The following LINGO2 variants were observed in gnomAD, a reference collection of about 807,000 sequenced individuals.
LINGO2 encodes the protein leucine rich repeat and Ig domain containing 2.
LINGO2 carries 14 observed loss-of-function variants against 30.6 expected under a neutral mutation model. The observed-to-expected ratio is 0.46, with a 90% CI of 0.30 to 0.72. The LOEUF is 0.72. Among genes scored for constraint, LINGO2 ranks in the 30% least tolerant of loss-of-function variants. The pLI, the probability that LINGO2 is intolerant of heterozygous loss-of-function variation, is 0.07. For synonymous variants in LINGO2, 317 were observed against 288.5 expected (o/e 1.10, Z -1.00); for missense variants, 729 against 751.7 (o/e 0.97, Z 0.35).
At chr9:28,992,509 C>T in the LINGO2 span, among the ~76,000 whole-genome samples, 1 of 151,878 alleles carries the variant, frequency 6.6e-6, no homozygotes, top group Non-Finnish European at 1.5e-5. Flanking sequence ...CTGCACCAAG[C>T]AGACCTAATA....
the LINGO2 span, among the ~76,000 whole-genome samples, chr9:28,924,844 A>G: frequency 6.6e-6 from 1 of 152,224 alleles, no homozygotes; most frequent in Admixed American, 6.5e-5. Flanking sequence ...CCTCTTTATC[A>G]TTACATAATG....
At chr9:29,008,348 C>T in the LINGO2 span, among the ~76,000 whole-genome samples, 1 of 152,224 alleles carries the variant, frequency 6.6e-6, no homozygotes, top group African/African-American at 2.4e-5. Context: ...TGGGTTGGAT[C>T]CAAGTCTTTG....
chr9:29,114,603 C>G, the LINGO2 span, among the ~76,000 whole-genome samples: 1 of 135,924 alleles, frequency 7.4e-6, no homozygotes, highest in Non-Finnish European at 1.5e-5. Context: ...CTTCCTGTGT[C>G]TATGTGTTCT....
chr9:28,072,531 G>A lies in LINGO2; in HGVS notation c.-86-60126C>T, dbSNP rs114317559. On this transcript the variant is annotated intron_variant, in intron 4 of 5. Transcript: ENST00000379992. Reference sequence around the variant, plus strand: ...TAGACCTGTCAGGCCAAAAGGTTTAGTGCAATTTCTCTGGAGTGAAGAATC... The same window carrying A: ...TAGACCTGTCAGGCCAAAAGGTTTAATGCAATTTCTCTGGAGTGAAGAATC... Among the ~76,000 whole-genome samples, 339 of 152,306 alleles carry A rather than the reference G, an allele frequency of 2.2e-3. 1 individual carries two copies. The highest frequency in any genetic ancestry group is 0.012 in the South Asian group (60 of 4,830).
At chr9:28,146,349 TAG>T (rs1174356453) in intron 4 of LINGO2, among the ~76,000 whole-genome samples, 2 of 152,140 alleles carry the variant, frequency 1.3e-5, no homozygotes, top group Admixed American at 1.3e-4. Context: ...ATAAAAACTA[TAG>T]AGTTATTTAT....
intron 4 of LINGO2, among the ~76,000 whole-genome samples, chr9:28,174,921 T>TGTGTGTGTGAGA (rs962695032): frequency 1.0e-4 from 14 of 133,418 alleles, no homozygotes; most frequent in South Asian, 1.0e-3. Context: ...TGTGTGTGTG[T>TGTGTGTGTGAGA]GAGAGAGAGA....
the LINGO2 span, among the ~76,000 whole-genome samples, chr9:28,753,328 T>G: frequency 2.6e-5 from 4 of 152,146 alleles, no homozygotes; most frequent in East Asian, 7.7e-4. Context: ...ATTTTAAAAA[T>G]CTTCTTACAG....
the LINGO2 span, among the ~76,000 whole-genome samples, chr9:29,211,794 A>C: frequency 6.6e-6 from 1 of 152,142 alleles, no homozygotes; most frequent in Non-Finnish European, 1.5e-5. Flanking sequence ...CAAAGCGGGC[A>C]CAGCAGGTCC....
At chr9:27,989,430 C>T (rs528428638) in intron 5 of LINGO2, among the ~76,000 whole-genome samples, 12 of 148,394 alleles carry the variant, frequency 8.1e-5, no homozygotes, top group African/African-American at 2.5e-4. Context: ...TAATGAATAA[C>T]AGAGTGAATG....
At chr9:28,570,820 T>C (rs1217590936) in intron 1 of LINGO2, among the ~76,000 whole-genome samples, 3 of 152,000 alleles carry the variant, frequency 2.0e-5, no homozygotes, top group African/African-American at 7.2e-5. Context: ...CTTTCTTCTC[T>C]ATTGTGCTAT....
the LINGO2 span, among the ~76,000 whole-genome samples, chr9:28,686,094 C>A: frequency 6.6e-6 from 1 of 151,530 alleles, no homozygotes; most frequent in Non-Finnish European, 1.5e-5. Context: ...TTTCTTTCTG[C>A]CCAGATATGG....
chr9:28,402,625 A>G lies in LINGO2; in HGVS notation c.-278-29757T>C, dbSNP rs549889125. On this transcript the variant is annotated intron_variant, in intron 2 of 5. Coordinates refer to ENST00000379992, the Ensembl canonical transcript of LINGO2. The stretch of plus-strand genomic sequence containing the variant: ...TTCCTCTCTTCTTTTCCTCTTAGGT[A>G]TCTGCTCTCCTTCACTCTCTCCTCC... Among the ~76,000 whole-genome samples, 13 of 150,462 alleles carry G rather than the reference A, an allele frequency of 8.6e-5. No homozygotes were observed. The South Asian group carries it at 2.1e-3, about 24-fold the overall frequency.
At chr9:27,960,939 C>A (rs940759640) in intron 5 of LINGO2, among the ~76,000 whole-genome samples, 15 of 151,618 alleles carry the variant, frequency 9.9e-5, no homozygotes, top group Admixed American at 2.6e-4. Flanking sequence ...TTTATTTATT[C>A]CTCTAGGGAT....
intron 4 of LINGO2, among the ~76,000 whole-genome samples, chr9:28,227,169 A>G (rs7357773): frequency 0.22 from 33,858 of 152,036 alleles, 3,982 homozygotes; most frequent in African/African-American, 0.29. Context: ...TGTACAGATC[A>G]GAAACTTGAA....
chr9:28,507,397 C>A lies in LINGO2; in HGVS notation c.-364-31372G>T, dbSNP rs534014348. ...AGCGGTGATGAAGAACCCAGCCTTT[C>A]AATCCTCAAAGCATTCATGCTCAGT... On this transcript the variant is annotated intron_variant, in intron 1 of 5. Coordinates refer to ENST00000379992, the Ensembl canonical transcript of LINGO2. Among the ~76,000 whole-genome samples the A allele has an allele frequency of 7.9e-5, 12 of 152,246 alleles. No individual in the cohort carries two copies. In the South Asian group the frequency reaches 2.3e-3, roughly 29 times the overall value.
At chr9:29,010,301 C>A in the LINGO2 span, among the ~76,000 whole-genome samples, 1 of 152,136 alleles carries the variant, frequency 6.6e-6, no homozygotes, top group Non-Finnish European at 1.5e-5. Flanking sequence ...GGGCTAATAT[C>A]CAGAATCTAC....
chr9:29,138,542 A>G, the LINGO2 span, among the ~76,000 whole-genome samples: 190 of 152,304 alleles, frequency 1.2e-3, 1 homozygote, highest in African/African-American at 4.3e-3. Flanking sequence ...TTTATCAAAT[A>G]CTGTGTATGA....
the LINGO2 span, among the ~76,000 whole-genome samples, chr9:29,174,658 T>A: frequency 6.6e-6 from 1 of 152,176 alleles, no homozygotes; most frequent in South Asian, 2.1e-4. Flanking sequence ...TAAAAGTCTA[T>A]TGAAGTTTCC....
chr9:28,967,778 T>C, the LINGO2 span, among the ~76,000 whole-genome samples: 1 of 152,184 alleles, frequency 6.6e-6, no homozygotes, highest in Non-Finnish European at 1.5e-5. Flanking sequence ...TTAATATCAC[T>C]AAAACTGTAA....
Sources: gnomAD v4.1 joint callset for allele counts (sites outside exome capture counted in the v4.1 genomes callset) on GRCh38, gnomAD v4.1.1 for gene constraint, MANE v1.5 for transcripts, NCBI Gene and HGNC (gene_info 2026-07-23, HGNC 2026-07-21) for gene names.